Variants in TBC1D5 observed in about 807,000 individuals in gnomAD.
TBC1D5 encodes TBC1 domain family, member 5.
A neutral mutation model predicts 100.3 loss-of-function variants in TBC1D5; 75 were observed. The observed-to-expected ratio is 0.75, with a 90% CI of 0.62 to 0.91. The LOEUF is 0.91. Among genes scored for constraint, TBC1D5 ranks in the 40% least tolerant of loss-of-function variants. TBC1D5 has a pLI of 0.00. For synonymous variants in TBC1D5, 323 were observed against 325.6 expected (o/e 0.99, Z 0.09); for missense variants, 910 against 942.4 (o/e 0.97, Z 0.45).
In TBC1D5 at chr3:17,523,542, T is replaced by C. The variant is rs117615725; in HGVS notation, c.-35-14937A>G. On this transcript the variant is annotated intron_variant, in intron 2 of 21. Coordinates refer to ENST00000253692, the Ensembl canonical transcript of TBC1D5. Reference sequence around the variant, plus strand: ...AACAGGCAGAGATGGACAGAGAAAGTTGACCAGAGGTCAACTCAAAAAAGA... The same window carrying C: ...AACAGGCAGAGATGGACAGAGAAAGCTGACCAGAGGTCAACTCAAAAAAGA... 9.4e-4 allele frequency among the ~76,000 whole-genome samples: 143 copies of C among 152,108 alleles called. 2 individuals are homozygous for C. In the East Asian group the frequency reaches 0.026, roughly 28 times the overall value.
chr3:17,676,771 C>T (rs1404532747), intron 1 of TBC1D5, among the ~76,000 whole-genome samples: 3 of 152,152 alleles, frequency 2.0e-5, no homozygotes, highest in Admixed American at 2.0e-4. Flanking sequence ...GCTACAATAA[C>T]CAAAACAGCA....
At chr3:17,250,113 G>A (rs1277324985) in intron 16 of TBC1D5, among the ~76,000 whole-genome samples, 1 of 152,212 alleles carries the variant, frequency 6.6e-6, no homozygotes, top group Non-Finnish European at 1.5e-5. Flanking sequence ...ATAATACACA[G>A]TTACCCAGTG....
At chr3:17,379,738 A>G (rs1575602723) in intron 9 of TBC1D5, among the ~76,000 whole-genome samples, 2 of 152,248 alleles carry the variant, frequency 1.3e-5, no homozygotes, top group Admixed American at 1.3e-4. Context: ...GTTTTTATAC[A>G]TACACCTGTA....
In TBC1D5 at chr3:17,536,236, T is replaced by G. The variant is rs574567740; in HGVS notation, c.-35-27631A>C. 7.2e-5 allele frequency among the ~76,000 whole-genome samples: 11 copies of G among 152,256 alleles called. No homozygotes were observed. The South Asian group carries it at 2.1e-3, about 29-fold the overall frequency. ...TCTGTTTCTTTCAAAAATATAATGG[T>G]TATATAAAGCTGCTGCATAGTCACA... On this transcript the variant is annotated intron_variant, in intron 2 of 21. Coordinates refer to ENST00000253692, the Ensembl canonical transcript of TBC1D5.
At chr3:17,711,955 A>G (rs1032958627) in intron 1 of TBC1D5, among the ~76,000 whole-genome samples, 2 of 152,264 alleles carry the variant, frequency 1.3e-5, no homozygotes, top group African/African-American at 4.8e-5. Context: ...TTACAAAGAC[A>G]AGTTATTAAA....
At chr3:17,718,820 T>C (rs762436614) in intron 1 of TBC1D5, among the ~76,000 whole-genome samples, 1 of 152,018 alleles carries the variant, frequency 6.6e-6, no homozygotes, top group Non-Finnish European at 1.5e-5. Context: ...AATAAATATA[T>C]ACAAAATAAG....
At chr3:17,559,614 G>A (rs959900768) in intron 2 of TBC1D5, among the ~76,000 whole-genome samples, 1 of 150,258 alleles carries the variant, frequency 6.7e-6, no homozygotes, top group African/African-American at 2.4e-5. Flanking sequence ...TTTTGAGGTG[G>A]AGTCTTGCAC....
At chr3:17,374,797 CTT>C in intron 10 of TBC1D5, 118 bp from the exon 11 acceptor site, 1 of 979,998 alleles carries the variant, frequency 1.0e-6, no homozygotes, top group Non-Finnish European at 1.5e-6. Flanking sequence ...AAAAATTAGT[CTT>C]TTTTAATGAA....
intron 1 of TBC1D5, among the ~76,000 whole-genome samples, chr3:17,709,383 T>C (rs1482801446): frequency 6.6e-6 from 1 of 152,216 alleles, no homozygotes; most frequent in Non-Finnish European, 1.5e-5. Flanking sequence ...ATCAAGATGA[T>C]AGACTAAACA....
chr3:17,325,925 C>G (rs954893457), intron 13 of TBC1D5, among the ~76,000 whole-genome samples: 23 of 152,016 alleles, frequency 1.5e-4, no homozygotes, highest in African/African-American at 5.3e-4. Context: ...ACCTTGAATG[C>G]TAAGTAATCA....
chr3:17,398,679 T>C (rs2093569501), intron 8 of TBC1D5, among the ~76,000 whole-genome samples: 1 of 152,096 alleles, frequency 6.6e-6, no homozygotes, highest in South Asian at 2.1e-4. Context: ...AGGTAAGATC[T>C]GGGCTAACAC....
rs1483431607 is a variant in TBC1D5, at chr3:17,258,497, G to C, written c.1331+9C>G. The C allele has an allele frequency of 6.2e-7, 1 of 1,606,564 alleles. No homozygotes were observed. Among genetic ancestry groups the C allele is most frequent in the South Asian group, 1.1e-5 (1 of 89,514 alleles). ...GATTTATAACTATCATCAGAAAAAGGGGACTTACCGGCTTTTATTCATGAG... is the reference window on the plus strand; with the variant it reads ...GATTTATAACTATCATCAGAAAAAGCGGACTTACCGGCTTTTATTCATGAG... On this transcript the variant is annotated intron_variant, in intron 16 of 21. Coordinates refer to ENST00000253692, the Ensembl canonical transcript of TBC1D5.
At chr3:17,618,480 T>C (rs369895252) in intron 2 of TBC1D5, among the ~76,000 whole-genome samples, 1 of 152,228 alleles carries the variant, frequency 6.6e-6, no homozygotes, top group South Asian at 2.1e-4. Flanking sequence ...TCTGCTGCCT[T>C]TTCTTCAGCT....
At chr3:17,598,665 T>A (rs1245795371) in intron 2 of TBC1D5, among the ~76,000 whole-genome samples, 1 of 152,232 alleles carries the variant, frequency 6.6e-6, no homozygotes, top group African/African-American at 2.4e-5. Context: ...TGAAAAGTAG[T>A]CACTGTCCCA....
intron 1 of TBC1D5, among the ~76,000 whole-genome samples, chr3:17,663,377 A>G (rs577278422): frequency 1.3e-5 from 2 of 152,032 alleles, no homozygotes; most frequent in Admixed American, 6.6e-5. Flanking sequence ...GACATACTAC[A>G]AAAGACTGAT....
At chr3:17,432,479 C>A (rs1199067747) in intron 3 of TBC1D5, among the ~76,000 whole-genome samples, 2 of 152,160 alleles carry the variant, frequency 1.3e-5, no homozygotes, top group Non-Finnish European at 2.9e-5. Flanking sequence ...CCATTAGCCA[C>A]CCCAAGCTAA....
intron 2 of TBC1D5, among the ~76,000 whole-genome samples, chr3:17,542,528 A>C (rs550926439): frequency 6.6e-6 from 1 of 152,358 alleles, no homozygotes; most frequent in East Asian, 1.9e-4. Flanking sequence ...CTTATCATAT[A>C]TAATATTTGC....
At chr3:17,598,827 C>G (rs1038818824) in intron 2 of TBC1D5, among the ~76,000 whole-genome samples, 1 of 152,204 alleles carries the variant, frequency 6.6e-6, no homozygotes, top group Non-Finnish European at 1.5e-5. Context: ...CTTTCCATCA[C>G]TTACTTTACT....
chr3:17,415,331 TG>T (rs1275764173), intron 4 of TBC1D5, among the ~76,000 whole-genome samples: 1 of 151,834 alleles, frequency 6.6e-6, no homozygotes, highest in Non-Finnish European at 1.5e-5. Context: ...CGAAATTTTT[TG>T]TACTTTTTTA....
Sources: allele counts gnomAD v4.1 joint callset (sites outside exome capture counted in the v4.1 genomes callset), GRCh38; gene constraint gnomAD v4.1.1; transcripts MANE v1.5; gene names NCBI Gene and HGNC (gene_info 2026-07-23, HGNC 2026-07-21).